The following CHSY3 variants were observed in gnomAD, a reference collection of about 807,000 sequenced individuals.
CHSY3 encodes N-acetylgalactosaminyl-proteoglycan 3-beta-glucuronosyltransferase 3.
A neutral mutation model predicts 67.2 loss-of-function variants in CHSY3; 35 were observed. That is an observed-to-expected ratio of 0.52 (90% CI 0.40 to 0.69). The LOEUF is 0.69. CHSY3 is among the 30% of genes least tolerant of loss of function. The pLI is 0.00. For missense variants in CHSY3, 1,069 were observed against 1,138.5 expected (o/e 0.94, Z 0.88); for synonymous variants, 474 against 434.7 (o/e 1.09, Z -1.12).
intron 2 of CHSY3, among the ~76,000 whole-genome samples, chr5:130,133,497 C>T (rs1039755053): frequency 1.3e-5 from 2 of 151,898 alleles, no homozygotes; most frequent in Non-Finnish European, 2.9e-5. Flanking sequence ...TAAGGCCTGG[C>T]GTGGTGGCTC....
intron 2 of CHSY3, among the ~76,000 whole-genome samples, chr5:129,962,067 G>A (rs867530409): frequency 3.4e-4 from 51 of 151,864 alleles, no homozygotes; most frequent in Non-Finnish European, 3.7e-4. Context: ...CTGCTTCTGG[G>A]TTTTGTTTCC....
At position 129,904,639 on chromosome 5, in the gene CHSY3, C is replaced by T. The variant is rs1386351001; in HGVS notation, c.-191C>T. The T allele has an allele frequency of 2.2e-6, 2 of 916,108 alleles. No homozygotes were observed. The highest frequency in any genetic ancestry group is 3.8e-5 in the East Asian group (1 of 26,050). 56.7% of individuals were successfully genotyped at this position (916,108 alleles called of 1,614,324 possible). ...CCCGGCCCAGAGCTGAGCGGGAGCC[C>T]GGCAGGCAGCTGCAGCCCGCGGCAG... is the stretch of plus-strand genomic sequence containing the variant. On this transcript the variant is annotated 5_prime_UTR_variant, in exon 1 of 3. Transcript: ENST00000305031.
At chr5:129,981,934 T>C (rs1486579388) in intron 2 of CHSY3, among the ~76,000 whole-genome samples, 1 of 152,200 alleles carries the variant, frequency 6.6e-6, no homozygotes, top group African/African-American at 2.4e-5. Flanking sequence ...ATCAAATGCT[T>C]TTTCTGAATT....
chr5:130,115,844 T>C (rs940744180), intron 2 of CHSY3, among the ~76,000 whole-genome samples: 2 of 152,166 alleles, frequency 1.3e-5, no homozygotes, highest in African/African-American at 2.4e-5. Context: ...AATGGCAGTG[T>C]TCTGTATTCT....
intron 2 of CHSY3, among the ~76,000 whole-genome samples, chr5:129,932,470 T>G (rs959909567): frequency 2.0e-5 from 3 of 152,156 alleles, no homozygotes; most frequent in Non-Finnish European, 2.9e-5. Flanking sequence ...CAGCCACATC[T>G]AGACTTGTGT....
chr5:130,035,767 A>G, intron 2 of CHSY3, among the ~76,000 whole-genome samples: 1 of 151,952 alleles, frequency 6.6e-6, no homozygotes, highest in East Asian at 1.9e-4. Context: ...AAATGACAAG[A>G]TCAGTGCAGG....
intron 2 of CHSY3, among the ~76,000 whole-genome samples, chr5:130,127,464 C>CT (rs1768331455): frequency 7.0e-6 from 1 of 143,826 alleles, no homozygotes; most frequent in Non-Finnish European, 1.5e-5. Flanking sequence ...CTGTCTGACT[C>CT]TAAGCCATGT....
intron 2 of CHSY3, among the ~76,000 whole-genome samples, chr5:130,163,333 A>C (rs541621881): frequency 3.3e-5 from 5 of 152,164 alleles, no homozygotes; most frequent in Admixed American, 1.3e-4. Flanking sequence ...TTTTTAGAGA[A>C]ATTAATAGAC....
At chr5:130,144,628 G>T (rs1032426497) in intron 2 of CHSY3, among the ~76,000 whole-genome samples, 1 of 151,980 alleles carries the variant, frequency 6.6e-6, no homozygotes, top group Non-Finnish European at 1.5e-5. Context: ...TACCAATGAA[G>T]CTCTTCAGAG....
intron 2 of CHSY3, among the ~76,000 whole-genome samples, chr5:129,969,869 G>T (rs1347772074): frequency 1.3e-5 from 2 of 151,892 alleles, no homozygotes; most frequent in East Asian, 3.9e-4. Flanking sequence ...GTATCAAAAA[G>T]AAAATAAGGA....
intron 2 of CHSY3, among the ~76,000 whole-genome samples, chr5:130,019,366 C>T (rs897092006): frequency 6.6e-6 from 1 of 152,092 alleles, no homozygotes; most frequent in African/African-American, 2.4e-5. Flanking sequence ...CTCCATCACC[C>T]AGCCCAGAAA....
chr5:130,076,480 G>A (rs934995642), intron 2 of CHSY3, among the ~76,000 whole-genome samples: 7 of 150,734 alleles, frequency 4.6e-5, no homozygotes, highest in Admixed American at 6.6e-5. Flanking sequence ...GGTATCCTGC[G>A]TCTTATACAG....
At chr5:129,971,919 G>A (rs568461987) in intron 2 of CHSY3, among the ~76,000 whole-genome samples, 1 of 152,106 alleles carries the variant, frequency 6.6e-6, no homozygotes, top group South Asian at 2.1e-4. Context: ...TTCTACACAT[G>A]CTTGGATTCT....
At chr5:130,022,924 C>T (rs1207317684) in intron 2 of CHSY3, among the ~76,000 whole-genome samples, 2 of 151,770 alleles carry the variant, frequency 1.3e-5, no homozygotes, top group African/African-American at 4.8e-5. Context: ...ACCTAAAATT[C>T]GGAGTATAAA....
intron 2 of CHSY3, among the ~76,000 whole-genome samples, chr5:130,021,927 GC>G (rs1334664653): frequency 1.3e-5 from 2 of 151,960 alleles, no homozygotes; most frequent in African/African-American, 4.8e-5. Flanking sequence ...GTAATTATGT[GC>G]CATCTATTGG....
At chr5:129,931,176 G>T (rs1245478671) in intron 2 of CHSY3, among the ~76,000 whole-genome samples, 1 of 151,998 alleles carries the variant, frequency 6.6e-6, no homozygotes, top group African/African-American at 2.4e-5. Flanking sequence ...CTACACATGT[G>T]TCTCCATTCT....
chr5:129,962,652 C>A (rs781504635), intron 2 of CHSY3, among the ~76,000 whole-genome samples: 3 of 151,996 alleles, frequency 2.0e-5, no homozygotes, highest in African/African-American at 7.2e-5. Flanking sequence ...CTCATGCTCT[C>A]TGCTCTCTGC....
At position 130,182,022 on chromosome 5, in the gene CHSY3, G is replaced by A. The variant is rs934839819; in HGVS notation, c.1087-2207G>A. 9.9e-5 allele frequency among the ~76,000 whole-genome samples: 15 copies of A among 151,290 alleles called. No individual in the cohort carries two copies. The East Asian group carries it at 2.9e-3, about 29-fold the overall frequency. On this transcript the variant is annotated intron_variant, in intron 2 of 2. Coordinates refer to ENST00000305031, the MANE Select transcript of CHSY3 (RefSeq NM_175856.5). ...TATATATATATATGTATTTCTATTG[G>A]GCATATATCTAAGAGAGAATTACTG... is the stretch of plus-strand genomic sequence containing the variant.
At chr5:129,979,661 A>G (rs1762926874) in intron 2 of CHSY3, among the ~76,000 whole-genome samples, 1 of 152,188 alleles carries the variant, frequency 6.6e-6, no homozygotes, top group African/African-American at 2.4e-5. Context: ...AATGTTGTAC[A>G]TTCTATGGGT....
Sources: allele counts gnomAD v4.1 joint callset (sites outside exome capture counted in the v4.1 genomes callset), GRCh38; gene constraint gnomAD v4.1.1; transcripts MANE v1.5; gene names NCBI Gene and HGNC (gene_info 2026-07-23, HGNC 2026-07-21).